OPCML: variants seen among roughly 807,000 people sequenced by gnomAD.
The protein encoded by OPCML is opioid binding protein/cell adhesion molecule like.
OPCML carries 13 observed loss-of-function variants against 37.8 expected under a neutral mutation model. That is an observed-to-expected ratio of 0.34 (90% CI 0.22 to 0.55). The LOEUF (loss-of-function observed/expected upper bound fraction) is 0.55, where lower values mean the gene tolerates loss of function less well. OPCML is among the 20% of genes least tolerant of loss of function. The pLI is 0.91. For synonymous variants in OPCML, 176 were observed against 168.8 expected (o/e 1.04, Z -0.33); for missense variants, 341 against 435.6 (o/e 0.78, Z 1.93).
At chr11:132,605,404 A>AT (rs1252904238) in intron 3 of OPCML, among the ~76,000 whole-genome samples, 2 of 151,690 alleles carry the variant, frequency 1.3e-5, no homozygotes, top group East Asian at 3.9e-4. Context: ...AAAAATAAAA[A>AT]AAAAAAAAAG....
chr11:133,504,527 C>T (rs1027341497), intron 1 of OPCML, among the ~76,000 whole-genome samples: 3 of 152,182 alleles, frequency 2.0e-5, no homozygotes, highest in African/African-American at 4.8e-5. Flanking sequence ...AAGACTGCCC[C>T]GCTTCCATAA....
intron 7 of OPCML, among the ~76,000 whole-genome samples, chr11:132,422,085 G>A (rs1055134099): frequency 4.0e-5 from 6 of 151,532 alleles, no homozygotes; most frequent in Non-Finnish European, 8.8e-5. Flanking sequence ...GACATATATG[G>A]CATATATACT....
chr11:132,741,864 TA>T (rs199920599), intron 2 of OPCML, among the ~76,000 whole-genome samples: 2 of 151,254 alleles, frequency 1.3e-5, no homozygotes, highest in African/African-American at 2.4e-5. Context: ...CCGTCTCTAC[TA>T]AAAAAAACAC....
At chr11:132,856,308 T>A (rs1476886743) in intron 2 of OPCML, among the ~76,000 whole-genome samples, 1 of 152,106 alleles carries the variant, frequency 6.6e-6, no homozygotes, top group Non-Finnish European at 1.5e-5. Context: ...AAATAATACC[T>A]TGGTAGGATA....
intron 1 of OPCML, chr11:133,421,571 G>A (rs1394540537): frequency 7.1e-6 from 7 of 985,304 alleles, no homozygotes; most frequent in Non-Finnish European, 7.2e-6. Context: ...CAGCAACAGA[G>A]ATAAAATTGA....
At chr11:133,413,207 G>A (rs1332186160) in intron 1 of OPCML, among the ~76,000 whole-genome samples, 1 of 152,044 alleles carries the variant, frequency 6.6e-6, no homozygotes, top group East Asian at 1.9e-4. Flanking sequence ...AGACTTTGGA[G>A]AAGCCGGGAG....
At chr11:133,146,902 A>G (rs944318994) in intron 1 of OPCML, among the ~76,000 whole-genome samples, 2 of 152,246 alleles carry the variant, frequency 1.3e-5, no homozygotes, top group African/African-American at 2.4e-5. Flanking sequence ...ACTTCTAAAA[A>G]GAGCTGTCCA....
chr11:133,213,307 C>A (rs1346747911), intron 1 of OPCML, among the ~76,000 whole-genome samples: 2 of 148,698 alleles, frequency 1.3e-5, no homozygotes, highest in Non-Finnish European at 3.0e-5. Context: ...AAAAGGATGA[C>A]CTTAATAGAG....
chr11:133,068,511 TC>T (rs1233105474), intron 1 of OPCML, among the ~76,000 whole-genome samples: 1 of 152,142 alleles, frequency 6.6e-6, no homozygotes. Context: ...CTCTCATCGC[TC>T]CCCTGTTTAG....
chr11:132,555,447 A>C (rs2096393191), intron 3 of OPCML, among the ~76,000 whole-genome samples: 1 of 152,158 alleles, frequency 6.6e-6, no homozygotes, highest in Non-Finnish European at 1.5e-5. Context: ...CCACAAAAAC[A>C]ATATGGGAGA....
At chr11:133,092,682 C>T (rs1236036394) in intron 1 of OPCML, among the ~76,000 whole-genome samples, 2 of 152,108 alleles carry the variant, frequency 1.3e-5, no homozygotes, top group African/African-American at 4.8e-5. Flanking sequence ...GCCGAGATCA[C>T]CCCACTGCAC....
intron 1 of OPCML, among the ~76,000 whole-genome samples, chr11:133,502,915 C>A (rs146547416): frequency 6.6e-6 from 1 of 152,276 alleles, no homozygotes; most frequent in Admixed American, 6.5e-5. Flanking sequence ...GGACTGAGAG[C>A]TCTCAGGATA....
chr11:132,801,069 T>C (rs1300695838), intron 2 of OPCML, among the ~76,000 whole-genome samples: 1 of 152,246 alleles, frequency 6.6e-6, no homozygotes, highest in African/African-American at 2.4e-5. Context: ...TCAACTTATT[T>C]ACTTTGTATA....
At chr11:132,609,479 T>G (rs938445692) in intron 3 of OPCML, among the ~76,000 whole-genome samples, 1 of 152,048 alleles carries the variant, frequency 6.6e-6, no homozygotes, top group Non-Finnish European at 1.5e-5. Context: ...ATGCTCTGCT[T>G]GGAAAAGCCA....
At position 132,657,282 on chromosome 11, in the gene OPCML, G is replaced by A. The variant is rs373991515; in HGVS notation, c.184C>T (p.Leu62=). ...IDDRVTRVAW[L]NRSTILYAGN... is the part of the protein sequence containing the mutation. ...GCGTAGAGGATGGTGCTGCGGTTTAGCCAGGCCACCCGGGTTACCCGGTCA... is the reference window on the plus strand; with the variant it reads ...GCGTAGAGGATGGTGCTGCGGTTTAACCAGGCCACCCGGGTTACCCGGTCA... The change falls in exon 3 of 8, where the codon CTA becomes TTA. Residue 62 remains leucine, a synonymous_variant. Coordinates refer to ENST00000524381, the MANE Select transcript of OPCML (RefSeq NM_001012393.5). 2.0e-5 allele frequency: 33 copies of A among 1,614,136 alleles called. No homozygotes were observed. Among genetic ancestry groups the A allele is most frequent in the Admixed American group, 5.0e-5 (3 of 60,006 alleles).
intron 1 of OPCML, among the ~76,000 whole-genome samples, chr11:133,512,689 G>A (rs1012753782): frequency 2.0e-5 from 3 of 152,066 alleles, no homozygotes; most frequent in Non-Finnish European, 4.4e-5. Context: ...TTGCCTCATT[G>A]GGACAAAAAG....
intron 4 of OPCML, among the ~76,000 whole-genome samples, chr11:132,476,011 A>G (rs1303198307): frequency 6.6e-6 from 1 of 152,222 alleles, no homozygotes. Context: ...TATCTACCTC[A>G]AATGGTTATT....
At chr11:133,180,637 G>A in intron 1 of OPCML, among the ~76,000 whole-genome samples, 1 of 152,002 alleles carries the variant, frequency 6.6e-6, no homozygotes, top group East Asian at 1.9e-4. Context: ...TAGAAGGGAG[G>A]ACACATGGTT....
chr11:132,570,768 T>TATATATATAC (rs2137562269), intron 3 of OPCML, among the ~76,000 whole-genome samples: 1 of 96,090 alleles, frequency 1.0e-5, no homozygotes, highest in South Asian at 3.8e-4. Context: ...TATATATATA[T>TATATATATAC]ATATATATAT....
Sources: allele counts gnomAD v4.1 joint callset (sites outside exome capture counted in the v4.1 genomes callset), GRCh38; gene constraint gnomAD v4.1.1; transcripts MANE v1.5; gene names NCBI Gene and HGNC (gene_info 2026-07-23, HGNC 2026-07-21).